DPYD: variants seen among roughly 807,000 people sequenced by gnomAD.
DPYD encodes dihydropyrimidine dehydrogenase [NADP(+)].
Under a neutral mutation model 116.2 loss-of-function variants are expected in DPYD, and 109 were observed. The observed-to-expected ratio is 0.94, with a 90% CI of 0.80 to 1.10. The LOEUF is 1.10. Among genes scored for constraint, DPYD ranks in the 50% least tolerant of loss-of-function variants. The pLI is 0.00. For synonymous variants in DPYD, 440 were observed against 432.0 expected (o/e 1.02, Z -0.23); for missense variants, 1,302 against 1,254.5 (o/e 1.04, Z -0.57).
At chr1:97,124,980 T>C (rs1304821033) in intron 20 of DPYD, among the ~76,000 whole-genome samples, 1 of 152,162 alleles carries the variant, frequency 6.6e-6, no homozygotes, top group Non-Finnish European at 1.5e-5. Flanking sequence ...GAATAGCATC[T>C]GGAGGGACTG....
chr1:97,303,115 G>A (rs1481348529), intron 18 of DPYD, among the ~76,000 whole-genome samples: 3 of 151,878 alleles, frequency 2.0e-5, no homozygotes, highest in Admixed American at 6.6e-5. Context: ...TCATTTCAAA[G>A]AGCAGAAATC....
intron 21 of DPYD, among the ~76,000 whole-genome samples, chr1:97,089,449 T>C (rs1217240413): frequency 2.0e-5 from 3 of 152,200 alleles, no homozygotes; most frequent in African/African-American, 7.2e-5. Context: ...TCTGGTTTCT[T>C]TTCTCTAGCA....
At chr1:97,316,305 C>A (rs1667830344) in intron 16 of DPYD, among the ~76,000 whole-genome samples, 1 of 148,660 alleles carries the variant, frequency 6.7e-6, no homozygotes, top group African/African-American at 2.5e-5. Context: ...CCCTGGCCCA[C>A]ATGGCAAATC....
chr1:97,133,067 T>G (rs1362273855), intron 20 of DPYD, among the ~76,000 whole-genome samples: 2 of 152,106 alleles, frequency 1.3e-5, no homozygotes. Flanking sequence ...GCTTGAACAT[T>G]TTCTAGGTTC....
At chr1:97,464,523 T>C (rs1677203474) in intron 13 of DPYD, among the ~76,000 whole-genome samples, 1 of 152,130 alleles carries the variant, frequency 6.6e-6, no homozygotes, top group Non-Finnish European at 1.5e-5. Context: ...AGGGTCCCTC[T>C]GCTGTGTGCA....
intron 8 of DPYD, among the ~76,000 whole-genome samples, chr1:97,644,189 G>A (rs1484126511): frequency 2.0e-5 from 3 of 152,080 alleles, no homozygotes; most frequent in South Asian, 2.1e-4. Flanking sequence ...GAGAACCACA[G>A]AAAACATCTG....
At chr1:97,920,055 C>G (rs1674427640) in intron 1 of DPYD, among the ~76,000 whole-genome samples, 1 of 152,056 alleles carries the variant, frequency 6.6e-6, no homozygotes, top group East Asian at 1.9e-4. Flanking sequence ...AGAAAAGCCC[C>G]AAACAAAACA....
At position 97,078,998 on chromosome 1, in the gene DPYD, A is replaced by G; in HGVS notation, c.3056T>C (p.Leu1019Ser). Residue 1019 changes from leucine (L) to serine (S), a missense_variant, in exon 23 of 23, where the codon TTA becomes TCA. Physicochemically the swap from Leu to Ser is moderately radical, Grantham distance 145. Coordinates refer to ENST00000370192, the MANE Select transcript of DPYD (RefSeq NM_000110.4). ...ACCTTAACACACCGGATTCACAGAT[A>G]AGGGTACGCCTCTCTTTGGTTCATA... ...TPYEPKRGVP[L>S]SVNPVC 1 of 1,613,712 alleles carries G rather than the reference A, an allele frequency of 6.2e-7. No individual in the cohort carries two copies. The highest frequency in any genetic ancestry group is 8.5e-7 in the Non-Finnish European group (1 of 1,179,674).
intron 1 of DPYD, among the ~76,000 whole-genome samples, chr1:97,898,748 T>C (rs1171223129): frequency 6.6e-6 from 1 of 151,318 alleles, no homozygotes; most frequent in Non-Finnish European, 1.5e-5. Flanking sequence ...ATCAGGGAGG[T>C]TTCCCCACAC....
intron 8 of DPYD, among the ~76,000 whole-genome samples, chr1:97,660,981 C>T (rs1659222453): frequency 6.6e-6 from 1 of 152,096 alleles, no homozygotes; most frequent in South Asian, 2.1e-4. Flanking sequence ...CAAAACCCAA[C>T]TGACAAACTC....
intron 18 of DPYD, among the ~76,000 whole-genome samples, chr1:97,293,051 C>T (rs1481576863): frequency 6.6e-6 from 1 of 152,080 alleles, no homozygotes; most frequent in African/African-American, 2.4e-5. Flanking sequence ...ACATATGTTT[C>T]TTTGTGTTAT....
At chr1:97,173,327 CAT>C (rs554143941) in intron 20 of DPYD, among the ~76,000 whole-genome samples, 113 of 139,918 alleles carry the variant, frequency 8.1e-4, no homozygotes, top group African/African-American at 2.4e-3. Context: ...CATATATACA[CAT>C]ATATGTGTAT....
intron 8 of DPYD, among the ~76,000 whole-genome samples, chr1:97,629,325 T>C (rs1657116577): frequency 1.3e-5 from 2 of 151,880 alleles, no homozygotes; most frequent in South Asian, 4.1e-4. Flanking sequence ...AATAGGAGGG[T>C]GGGCAAGTGA....
At chr1:97,897,864 T>A (rs1195659438) in intron 1 of DPYD, among the ~76,000 whole-genome samples, 1 of 151,972 alleles carries the variant, frequency 6.6e-6, no homozygotes, top group Non-Finnish European at 1.5e-5. Context: ...GGGTGGTATT[T>A]TCCTGCATCC....
intron 3 of DPYD, among the ~76,000 whole-genome samples, chr1:97,764,589 T>C (rs1162469960): frequency 6.6e-6 from 1 of 152,086 alleles, no homozygotes; most frequent in Admixed American, 6.6e-5. Flanking sequence ...TCAGTTCCCA[T>C]ATTTTATGTG....
chr1:97,720,231 C>A (rs575872490), intron 5 of DPYD: 1 of 984,622 alleles, frequency 1.0e-6, no homozygotes, highest in East Asian at 1.1e-4. Flanking sequence ...CTAATGATAT[C>A]ATTTTAATTC....
intron 2 of DPYD, among the ~76,000 whole-genome samples, chr1:97,836,958 G>A (rs868356671): frequency 2.6e-5 from 4 of 151,988 alleles, no homozygotes; most frequent in Non-Finnish European, 5.9e-5. Flanking sequence ...ATCTTTAAAA[G>A]CACATGTGTG....
chr1:97,193,359 G>A (rs549617075), intron 19 of DPYD, 111 bp from the exon 20 acceptor site: 5 of 1,117,992 alleles, frequency 4.5e-6, no homozygotes, highest in Admixed American at 4.0e-5. Context: ...GGCACTGTTT[G>A]AGGCATGATG....
chr1:97,270,082 A>G (rs1357445911), intron 18 of DPYD, among the ~76,000 whole-genome samples: 1 of 152,214 alleles, frequency 6.6e-6, no homozygotes, highest in African/African-American at 2.4e-5. Context: ...GCCTGGGGCC[A>G]TGTATGTTTC....
Sources: allele counts gnomAD v4.1 joint callset (sites outside exome capture counted in the v4.1 genomes callset), GRCh38; gene constraint gnomAD v4.1.1; transcripts MANE v1.5; gene names NCBI Gene and HGNC (gene_info 2026-07-23, HGNC 2026-07-21).